The following ZBTB20 variants were observed in gnomAD, a reference collection of about 807,000 sequenced individuals.
ZBTB20 encodes zinc finger and BTB domain containing 20, also known as zinc finger and BTB domain-containing protein 20.
In ZBTB20, 9 loss-of-function variants were observed where a neutral mutation model predicts 56.9. The ratio of observed to expected loss-of-function variants is 0.16; its 90% CI spans 0.10 to 0.28. The LOEUF is 0.28. Among genes scored for constraint, ZBTB20 ranks in the 10% least tolerant of loss-of-function variants. The probability of loss-of-function intolerance (pLI) is 1.00; values close to 1 mark genes in which losing one functional copy is unlikely to be tolerated. For synonymous variants in ZBTB20, 417 were observed against 420.7 expected (o/e 0.99, Z 0.11); for missense variants, 655 against 1,003.0 (o/e 0.65, Z 4.69).
chr3:115,016,416 G>T (rs970039551), intron 2 of ZBTB20, among the ~76,000 whole-genome samples: 1 of 151,922 alleles, frequency 6.6e-6, no homozygotes, highest in Non-Finnish European at 1.5e-5. Flanking sequence ...GGTATTGTCA[G>T]ATTTTCTTCT....
intron 6 of ZBTB20, among the ~76,000 whole-genome samples, chr3:114,579,533 TA>T (rs1429679317): frequency 6.7e-6 from 1 of 150,010 alleles, no homozygotes; most frequent in African/African-American, 2.4e-5. Context: ...AAAAATGGCC[TA>T]AAAATATAAA....
chr3:114,868,456 A>G (rs996573980), intron 4 of ZBTB20, among the ~76,000 whole-genome samples: 3 of 152,174 alleles, frequency 2.0e-5, no homozygotes, highest in African/African-American at 4.8e-5. Flanking sequence ...AAGCATCAAA[A>G]CTAATATAAT....
intron 1 of ZBTB20, among the ~76,000 whole-genome samples, chr3:115,098,447 G>A (rs1393039799): frequency 6.6e-6 from 1 of 152,076 alleles, no homozygotes. Flanking sequence ...AATTGTATAT[G>A]AAAAACAAAA....
At chr3:115,002,248 G>A (rs2108218606) in intron 2 of ZBTB20, among the ~76,000 whole-genome samples, 1 of 151,546 alleles carries the variant, frequency 6.6e-6, no homozygotes, top group Middle Eastern at 3.4e-3. Flanking sequence ...AGACCTAAAT[G>A]TACAATGCAA....
intron 5 of ZBTB20, among the ~76,000 whole-genome samples, chr3:114,705,436 T>A (rs1424962021): frequency 2.6e-5 from 4 of 152,174 alleles, no homozygotes; most frequent in African/African-American, 9.6e-5. Context: ...ACTTCCAGTC[T>A]ATGAACATTT....
chr3:114,984,622 T>C (rs539610952), intron 2 of ZBTB20, among the ~76,000 whole-genome samples: 1 of 152,182 alleles, frequency 6.6e-6, no homozygotes, highest in Admixed American at 6.6e-5. Context: ...CTCACTCTTA[T>C]TTCTATCAAG....
intron 7 of ZBTB20, among the ~76,000 whole-genome samples, chr3:114,458,508 C>A (rs1189553292): frequency 6.6e-6 from 1 of 152,130 alleles, no homozygotes; most frequent in African/African-American, 2.4e-5. Flanking sequence ...GAATTCCAAT[C>A]ACATTTTTTT....
chr3:115,095,758 A>G (rs953485003), intron 1 of ZBTB20, among the ~76,000 whole-genome samples: 1 of 152,176 alleles, frequency 6.6e-6, no homozygotes, highest in African/African-American at 2.4e-5. Flanking sequence ...TATATTAAAC[A>G]TAATTGTCAT....
intron 7 of ZBTB20, among the ~76,000 whole-genome samples, chr3:114,420,432 G>C (rs1472820546): frequency 6.6e-6 from 1 of 152,176 alleles, no homozygotes; most frequent in East Asian, 1.9e-4. Context: ...TTATGTTCCA[G>C]TGCTTCCCTG....
chr3:114,591,277 A>G (rs1376460236), intron 6 of ZBTB20, among the ~76,000 whole-genome samples: 2 of 152,234 alleles, frequency 1.3e-5, no homozygotes, highest in Admixed American at 6.5e-5. Context: ...AGAAATATCT[A>G]TATTTGGCAT....
intron 1 of ZBTB20, among the ~76,000 whole-genome samples, chr3:115,106,232 CTTT>C (rs1271544340): frequency 2.3e-5 from 3 of 130,508 alleles, no homozygotes; most frequent in African/African-American, 2.8e-5. Flanking sequence ...CACAATAATT[CTTT>C]TTTTTTTTTT....
chr3:114,701,197 G>A (rs1302362491), intron 5 of ZBTB20, among the ~76,000 whole-genome samples: 1 of 152,142 alleles, frequency 6.6e-6, no homozygotes, highest in African/African-American at 2.4e-5. Context: ...TAGGCTTTCA[G>A]CAACACCGTG....
intron 4 of ZBTB20, among the ~76,000 whole-genome samples, chr3:114,812,844 G>A (rs1560279430): frequency 1.3e-5 from 2 of 152,228 alleles, no homozygotes; most frequent in East Asian, 3.9e-4. Flanking sequence ...CCTGCCCCGC[G>A]GGAAGGCAGC....
At chr3:114,794,047 A>C (rs2108816476) in intron 5 of ZBTB20, among the ~76,000 whole-genome samples, 1 of 151,964 alleles carries the variant, frequency 6.6e-6, no homozygotes, top group Non-Finnish European at 1.5e-5. Context: ...TAAAAACACC[A>C]AGCAGGAGAT....
At chr3:114,380,742 AACATGGTC>A (rs1330709887) in intron 9 of ZBTB20, 27 bp downstream of exon 9, 29 of 1,488,262 alleles carry the variant, frequency 1.9e-5, no homozygotes, top group Admixed American at 1.5e-4. Context: ...TAGGAGTTTT[AACATGGTC>A]TGGAAAAATA....
At chr3:114,776,063 G>C (rs542497404) in intron 5 of ZBTB20, among the ~76,000 whole-genome samples, 8 of 134,578 alleles carry the variant, frequency 5.9e-5, no homozygotes, top group South Asian at 2.3e-4. Flanking sequence ...AACATACAAA[G>C]TGCGGACAGG....
rs56339103 is a variant in ZBTB20 at position 114,409,125 on chromosome 3, C to CTTT, written c.-254-20023_-254-20021dup. The stretch of plus-strand genomic sequence containing the variant: ...TTCTAAGAGGGGGAAAAAGGGAAGA[C>CTTT]TTTTTTTTTTTTTTTTTTTTTTTTT... On this transcript the variant is annotated intron_variant, in intron 7 of 11. Coordinates refer to ENST00000675478, the MANE Select transcript of ZBTB20 (RefSeq NM_001348800.3). Among the ~76,000 whole-genome samples, 30 of 71,978 alleles carry CTTT rather than the reference C, an allele frequency of 4.2e-4. 2 individuals are homozygous for CTTT. The highest frequency in any genetic ancestry group is 7.8e-4 in the African/African-American group (13 of 16,644). The allele number at this position is 71,978 out of a possible 152,430, so 47.2% of individuals were successfully genotyped here.
chr3:114,903,992 A>G (rs993396560), intron 3 of ZBTB20, among the ~76,000 whole-genome samples: 1 of 152,078 alleles, frequency 6.6e-6, no homozygotes, highest in African/African-American at 2.4e-5. Context: ...AGGACAGCAC[A>G]GATCCTGAGT....
intron 3 of ZBTB20, among the ~76,000 whole-genome samples, chr3:114,923,646 T>C (rs933126719): frequency 2.6e-5 from 4 of 152,206 alleles, no homozygotes; most frequent in South Asian, 2.1e-4. Context: ...CTCCTTGACA[T>C]TGGTCTTGGC....
Sources: gnomAD v4.1 joint callset for allele counts (sites outside exome capture counted in the v4.1 genomes callset) on GRCh38, gnomAD v4.1.1 for gene constraint, MANE v1.5 for transcripts, NCBI Gene and HGNC (gene_info 2026-07-23, HGNC 2026-07-21) for gene names.